Variants in DRD2 observed in about 807,000 individuals in gnomAD.
The protein encoded by DRD2 is D(2) dopamine receptor.
DRD2 carries 8 observed loss-of-function variants against 38.0 expected under a neutral mutation model. The observed-to-expected ratio is 0.21, with a 90% CI of 0.12 to 0.38. DRD2 has a LOEUF of 0.38. Ranked by LOEUF, DRD2 falls within the 10% of genes least tolerant of loss-of-function variation. The pLI, the probability that DRD2 is intolerant of heterozygous loss-of-function variation, is 1.00. For missense variants in DRD2, 403 were observed against 607.7 expected, an observed-to-expected ratio of 0.66 and a Z score of 3.54; for synonymous variants, 230 against 238.6, an observed-to-expected ratio of 0.96 and a Z score of 0.33.
intron 1 of DRD2, among the ~76,000 whole-genome samples, chr11:113,464,458 C>T (rs958982041): frequency 6.6e-6 from 1 of 152,184 alleles, no homozygotes; most frequent in Non-Finnish European, 1.5e-5. Flanking sequence ...CTGGTCACTT[C>T]CCCTCCCTCA....
At position 113,459,028 on chromosome 11, in the gene DRD2, A is replaced by G. The variant is rs537411363; in HGVS notation, c.-32+16048T>C. On this transcript the variant is annotated intron_variant, in intron 1 of 7. Transcript: ENST00000362072. ...ATCTGGGGCAGCATGGAAATATTGT[A>G]TCAGACAGATCTAGGCTCAAATAAC... Among the ~76,000 whole-genome samples the G allele has an allele frequency of 3.3e-5, 5 of 152,366 alleles. No homozygotes were observed. The East Asian group carries it at 9.6e-4, about 29-fold the overall frequency.
At chr11:113,435,676 G>GA (rs1951029321) in intron 1 of DRD2, among the ~76,000 whole-genome samples, 1 of 121,766 alleles carries the variant, frequency 8.2e-6, no homozygotes, top group Non-Finnish European at 1.6e-5. Flanking sequence ...CCCCCACAAA[G>GA]AAAAAAATCT....
Position 113,452,455 on chromosome 11 carries a change from TGTGTGTGTGTGTGTGC to T in DRD2, c.-32+22605_-32+22620del, listed in dbSNP as rs1168391795. 2.7e-3 allele frequency among the ~76,000 whole-genome samples: 270 copies of T among 99,142 alleles called. 1 individual carries two copies. Among genetic ancestry groups the T allele is most frequent in the Admixed American group, 0.021 (163 of 7,866 alleles). The allele number at this position is 99,142 out of a possible 152,430, so 65.0% of individuals were successfully genotyped here. A position where few individuals can be genotyped will look rare whatever the true frequency, so the allele number is the denominator to read the frequency against. ...GCATGCGTGTGTGTGTGTGTGTGTG[TGTGTGTGTGTGTGTGC>T]GCGCGCGCGCGCGCGCACATTGGGG... is the stretch of plus-strand genomic sequence containing the variant. On this transcript the variant is annotated intron_variant, in intron 1 of 7. Transcript: ENST00000362072.
At chr11:113,463,002 A>T (rs535618183) in intron 1 of DRD2, among the ~76,000 whole-genome samples, 3 of 152,050 alleles carry the variant, frequency 2.0e-5, no homozygotes, top group Non-Finnish European at 4.4e-5. Context: ...AGACAATAGC[A>T]CAGCATTCAA....
chr11:113,432,650 A>G (rs188865255), intron 1 of DRD2, among the ~76,000 whole-genome samples: 1 of 152,324 alleles, frequency 6.6e-6, no homozygotes, highest in East Asian at 1.9e-4. Flanking sequence ...TTGTATTTGC[A>G]TCTCAAAAGC....
At chr11:113,433,908 T>C (rs954731688) in intron 1 of DRD2, among the ~76,000 whole-genome samples, 1 of 152,166 alleles carries the variant, frequency 6.6e-6, no homozygotes, top group African/African-American at 2.4e-5. Flanking sequence ...TTCGGCACTT[T>C]CTCAATTTCC....
chr11:113,425,623 G>C (rs538756875), intron 1 of DRD2, among the ~76,000 whole-genome samples: 2 of 151,938 alleles, frequency 1.3e-5, no homozygotes, highest in African/African-American at 4.8e-5. Flanking sequence ...GAGTGGAAGC[G>C]GGACACCAAC....
intron 2 of DRD2, among the ~76,000 whole-genome samples, chr11:113,421,872 T>C (rs1950887516): frequency 6.6e-6 from 1 of 152,168 alleles, no homozygotes; most frequent in African/African-American, 2.4e-5. Flanking sequence ...TTTGATGAGA[T>C]GCTGTGGGGA....
chr11:113,454,704 C>A (rs940438004), intron 1 of DRD2, among the ~76,000 whole-genome samples: 2 of 152,162 alleles, frequency 1.3e-5, no homozygotes, highest in Non-Finnish European at 2.9e-5. Flanking sequence ...GTGGAAGCAA[C>A]CTAAGTGTCT....
At chr11:113,439,314 C>T (rs1324902084) in intron 1 of DRD2, among the ~76,000 whole-genome samples, 3 of 152,232 alleles carry the variant, frequency 2.0e-5, no homozygotes, top group South Asian at 2.1e-4. Context: ...CTGACAGTGA[C>T]GGTGCTCCTT....
chr11:113,462,684 C>A (rs769412648), intron 1 of DRD2, among the ~76,000 whole-genome samples: 7 of 152,206 alleles, frequency 4.6e-5, no homozygotes, highest in African/African-American at 7.2e-5. Flanking sequence ...GGTTCTCCCA[C>A]CTTCCCTCTC....
chr11:113,449,661 G>A (rs912093218), intron 1 of DRD2, among the ~76,000 whole-genome samples: 3 of 152,090 alleles, frequency 2.0e-5, no homozygotes, highest in Non-Finnish European at 4.4e-5. Context: ...CCACCAAGAC[G>A]GTGTCAGCCA....
chr11:113,447,479 A>T (rs1951163335), intron 1 of DRD2: 1 of 151,890 alleles, frequency 6.6e-6, no homozygotes, highest in African/African-American at 2.4e-5. Context: ...CCTCTGAAAA[A>T]AAAAAAAAAA....
chr11:113,469,206 C>T (rs771229458), intron 1 of DRD2, among the ~76,000 whole-genome samples: 3 of 152,074 alleles, frequency 2.0e-5, no homozygotes, highest in Non-Finnish European at 2.9e-5. Context: ...CTCCCTCCTG[C>T]TCCCACTGCT....
At chr11:113,433,384 C>T (rs774107731) in intron 1 of DRD2, among the ~76,000 whole-genome samples, 11 of 152,188 alleles carry the variant, frequency 7.2e-5, no homozygotes, top group Non-Finnish European at 1.2e-4. Flanking sequence ...ACAGCCTCAG[C>T]ACTACTGTGG....
In DRD2 at chr11:113,424,469, G is replaced by T. The variant is rs201945675; in HGVS notation, c.183C>A (p.Arg61=). 4.3e-5 allele frequency: 70 copies of T among 1,614,224 alleles called. No individual in the cohort carries two copies. In the South Asian group the frequency reaches 7.7e-4, roughly 18 times the overall value. The change falls in exon 2 of 8, where the codon CGC becomes CGA. Residue 61 remains arginine (R), a synonymous_variant. Transcript: ENST00000362072. ...GNVLVCMAVS[R]EKALQTTTNY... Reference sequence around the variant, plus strand: ...TGGTGGTGGTCTGCAGCGCCTTCTCGCGGGACACAGCCATGCACACCAGCA... The same window carrying T: ...TGGTGGTGGTCTGCAGCGCCTTCTCTCGGGACACAGCCATGCACACCAGCA...
At chr11:113,423,141 G>A (rs149106408) in intron 2 of DRD2, among the ~76,000 whole-genome samples, 6 of 152,254 alleles carry the variant, frequency 3.9e-5, no homozygotes, top group South Asian at 2.1e-4. Context: ...ACATCTGCTC[G>A]CTGGCTCTGA....
intron 1 of DRD2, among the ~76,000 whole-genome samples, chr11:113,459,540 T>C (rs1157999479): frequency 3.3e-5 from 5 of 152,094 alleles, no homozygotes; most frequent in African/African-American, 9.7e-5. Context: ...TAAAGACCCA[T>C]CTGAGTCCAT....
At chr11:113,447,791 C>T (rs1951167029) in intron 1 of DRD2, 1 of 152,250 alleles carries the variant, frequency 6.6e-6, no homozygotes, top group African/African-American at 2.4e-5. Flanking sequence ...TCTTCTGGCC[C>T]TGGATGTCCT....
Sources: gnomAD v4.1 joint callset for allele counts (sites outside exome capture counted in the v4.1 genomes callset) on GRCh38, gnomAD v4.1.1 for gene constraint, MANE v1.5 for transcripts, NCBI Gene and HGNC (gene_info 2026-07-23, HGNC 2026-07-21) for gene names.